The following MAGI1 variants were observed in gnomAD, a reference collection of about 807,000 sequenced individuals.
The protein encoded by MAGI1 is membrane associated guanylate kinase, WW and PDZ domain containing 1.
Under a neutral mutation model 139.9 loss-of-function variants are expected in MAGI1, and 58 were observed. The ratio of observed to expected loss-of-function variants is 0.41; its 90% CI spans 0.34 to 0.52. The LOEUF (loss-of-function observed/expected upper bound fraction) is 0.52. Ranked by LOEUF, MAGI1 falls within the 20% of genes least tolerant of loss-of-function variation. The pLI, the probability that MAGI1 is intolerant of heterozygous loss-of-function variation, is 0.12. For synonymous variants in MAGI1, 812 were observed against 737.9 expected (o/e 1.10, Z -1.63); for missense variants, 1,874 against 1,901.6 (o/e 0.99, Z 0.27).
Position 65,825,783 on chromosome 3 carries a change from T to A in MAGI1, c.314-203695A>T, listed in dbSNP as rs978507743. 2.0e-4 allele frequency among the ~76,000 whole-genome samples: 31 copies of A among 152,034 alleles called. 1 individual carries two copies. The highest frequency in any genetic ancestry group is 1.6e-4 in the Non-Finnish European group (11 of 68,012). Reference sequence around the variant, plus strand: ...GGCAGGCAGATCACGACGTCAAGAATTCGGGACCAGCCTGGCCAGTATGGT... The same window carrying A: ...GGCAGGCAGATCACGACGTCAAGAAATCGGGACCAGCCTGGCCAGTATGGT... On this transcript the variant is annotated intron_variant, in intron 1 of 22. Coordinates refer to ENST00000402939, the MANE Select transcript of MAGI1 (RefSeq NM_001033057.2).
At chr3:65,855,273 C>T (rs1407471685) in intron 1 of MAGI1, among the ~76,000 whole-genome samples, 1 of 151,664 alleles carries the variant, frequency 6.6e-6, no homozygotes, top group African/African-American at 2.4e-5. Context: ...AAGAGATAAA[C>T]AGTACCAAAG....
intron 1 of MAGI1, among the ~76,000 whole-genome samples, chr3:65,800,938 A>G (rs1378429786): frequency 6.6e-6 from 1 of 152,202 alleles, no homozygotes; most frequent in Non-Finnish European, 1.5e-5. Context: ...TTCTGCACCA[A>G]TGTAATATTT....
intron 1 of MAGI1, among the ~76,000 whole-genome samples, chr3:65,671,289 A>G (rs1466915358): frequency 6.6e-6 from 1 of 152,184 alleles, no homozygotes; most frequent in Non-Finnish European, 1.5e-5. Context: ...CACTACTGGC[A>G]TTTGGGGCTG....
chr3:65,408,248 G>A (rs751966647), intron 12 of MAGI1, among the ~76,000 whole-genome samples: 1 of 152,154 alleles, frequency 6.6e-6, no homozygotes, highest in Non-Finnish European at 1.5e-5. Context: ...TATAAGTAGA[G>A]GGGCCAATGG....
intron 1 of MAGI1, among the ~76,000 whole-genome samples, chr3:66,034,613 G>T (rs2068814006): frequency 6.6e-6 from 1 of 152,128 alleles, no homozygotes; most frequent in African/African-American, 2.4e-5. Flanking sequence ...GATGGCCAAA[G>T]ATGTAGAGCA....
chr3:65,615,950 T>C (rs114180279), intron 2 of MAGI1, among the ~76,000 whole-genome samples: 2,343 of 152,340 alleles, frequency 0.015, 60 homozygotes, highest in African/African-American at 0.052. Context: ...GTGATTTCTA[T>C]GTACACAGTT....
chr3:65,651,253 A>G (rs904053712), intron 1 of MAGI1, among the ~76,000 whole-genome samples: 1 of 152,212 alleles, frequency 6.6e-6, no homozygotes, highest in Non-Finnish European at 1.5e-5. Context: ...TGTACAAGGA[A>G]CCTGCCTGGT....
intron 1 of MAGI1, among the ~76,000 whole-genome samples, chr3:65,786,654 C>G (rs1416521973): frequency 6.7e-6 from 1 of 148,794 alleles, no homozygotes; most frequent in Non-Finnish European, 1.5e-5. Context: ...CTTTGTCACC[C>G]AGGCTGGAGT....
intron 1 of MAGI1, among the ~76,000 whole-genome samples, chr3:65,748,861 AC>A (rs573961280): frequency 9.7e-4 from 147 of 152,220 alleles, no homozygotes; most frequent in Admixed American, 3.8e-3. Flanking sequence ...AGCACTTAAG[AC>A]TGGTGAAATG....
intron 1 of MAGI1, among the ~76,000 whole-genome samples, chr3:65,890,520 T>C (rs1384063686): frequency 6.6e-6 from 1 of 152,232 alleles, no homozygotes; most frequent in African/African-American, 2.4e-5. Context: ...TCTCATTTCA[T>C]GTCTGAACAA....
At chr3:65,361,760 T>G (rs1940880792) in intron 21 of MAGI1, among the ~76,000 whole-genome samples, 1 of 152,232 alleles carries the variant, frequency 6.6e-6, no homozygotes, top group East Asian at 1.9e-4. Context: ...TTTTGTCATC[T>G]GTCTTACTTG....
At chr3:65,638,633 A>G (rs1286863782) in intron 1 of MAGI1, among the ~76,000 whole-genome samples, 4 of 93,980 alleles carry the variant, frequency 4.3e-5, no homozygotes, top group African/African-American at 1.5e-4. Context: ...TTTTTCAGAC[A>G]GAGTCTCGCT....
At chr3:65,727,086 G>C (rs542048869) in intron 1 of MAGI1, among the ~76,000 whole-genome samples, 65 of 152,204 alleles carry the variant, frequency 4.3e-4, no homozygotes, top group Middle Eastern at 3.4e-3. Flanking sequence ...ATATGGGATG[G>C]AGAAAATTCT....
At chr3:65,548,046 T>C (rs951293275) in intron 2 of MAGI1, among the ~76,000 whole-genome samples, 1 of 152,150 alleles carries the variant, frequency 6.6e-6, no homozygotes, top group South Asian at 2.1e-4. Flanking sequence ...AGGTCTCCAA[T>C]AACCTCCTGC....
chr3:65,815,199 A>G (rs1055545723), intron 1 of MAGI1, among the ~76,000 whole-genome samples: 1 of 152,218 alleles, frequency 6.6e-6, no homozygotes, highest in African/African-American at 2.4e-5. Context: ...CCTTTCGTCA[A>G]AAAGTCTGAC....
chr3:66,008,539 A>G (rs573465067), intron 1 of MAGI1, among the ~76,000 whole-genome samples: 1 of 152,314 alleles, frequency 6.6e-6, no homozygotes, highest in South Asian at 2.1e-4. Context: ...TACAACCACA[A>G]ACGCACATAA....
At chr3:65,716,340 CATAAAT>C (rs2107669231) in intron 1 of MAGI1, among the ~76,000 whole-genome samples, 1 of 152,220 alleles carries the variant, frequency 6.6e-6, no homozygotes, top group African/African-American at 2.4e-5. Context: ...AGGCTGTGAA[CATAAAT>C]ATATTTCATC....
At chr3:65,687,327 G>A (rs1313098566) in intron 1 of MAGI1, 2 of 239,954 alleles carry the variant, frequency 8.3e-6, no homozygotes, top group African/African-American at 4.7e-5. Flanking sequence ...GGTCATGGTT[G>A]TGGTGGACAC....
chr3:65,738,008 C>A (rs2034925466), intron 1 of MAGI1, among the ~76,000 whole-genome samples: 1 of 152,180 alleles, frequency 6.6e-6, no homozygotes, highest in South Asian at 2.1e-4. Context: ...CTAGTGCTTT[C>A]AAAGCCCTCC....
Sources: allele counts gnomAD v4.1 joint callset (sites outside exome capture counted in the v4.1 genomes callset), GRCh38; gene constraint gnomAD v4.1.1; transcripts MANE v1.5; gene names NCBI Gene and HGNC (gene_info 2026-07-23, HGNC 2026-07-21).